JAM3: variants seen among roughly 807,000 people sequenced by gnomAD.
JAM3 encodes the protein junctional adhesion molecule 3.
Under a neutral mutation model 39.4 loss-of-function variants are expected in JAM3, and 31 were observed. The observed-to-expected ratio is 0.79, with a 90% CI of 0.59 to 1.06. The LOEUF (loss-of-function observed/expected upper bound fraction) is 1.06, where lower values mean the gene tolerates loss of function less well. Ranked by LOEUF, JAM3 falls within the 50% of genes least tolerant of loss-of-function variation. JAM3 has a pLI of 0.00. For missense variants in JAM3, 455 were observed against 391.4 expected, an observed-to-expected ratio of 1.16 and a Z score of -1.37; for synonymous variants, 182 against 148.7, an observed-to-expected ratio of 1.22 and a Z score of -1.63.
intron 1 of JAM3, among the ~76,000 whole-genome samples, chr11:134,117,722 G>A (rs970548062): frequency 5.3e-5 from 8 of 152,142 alleles, no homozygotes; most frequent in Admixed American, 1.3e-4. Context: ...CGAATAACTG[G>A]TCCCTGTCTT....
chr11:134,140,287 G>T (rs1309256642), intron 2 of JAM3, among the ~76,000 whole-genome samples: 4 of 152,112 alleles, frequency 2.6e-5, no homozygotes, highest in African/African-American at 9.7e-5. Flanking sequence ...ACACCCAGCT[G>T]ATTTTTGTAC....
At chr11:134,089,658 A>G (rs1016441341) in intron 1 of JAM3, among the ~76,000 whole-genome samples, 3 of 152,172 alleles carry the variant, frequency 2.0e-5, no homozygotes, top group African/African-American at 7.2e-5. Context: ...TTATGGCTGC[A>G]TAGTATTCCA....
chr11:134,085,047 C>A (rs1941726644), intron 1 of JAM3, among the ~76,000 whole-genome samples: 1 of 152,136 alleles, frequency 6.6e-6, no homozygotes, highest in Admixed American at 6.5e-5. Context: ...GAATACTCTG[C>A]CATCTTATTT....
At chr11:134,134,112 G>A (rs1376378417) in intron 1 of JAM3, among the ~76,000 whole-genome samples, 1 of 152,014 alleles carries the variant, frequency 6.6e-6, no homozygotes, top group Admixed American at 6.6e-5. Flanking sequence ...AAAACTAGCA[G>A]AAACGAAAAA....
At chr11:134,088,970 A>C (rs1425737063) in intron 1 of JAM3, among the ~76,000 whole-genome samples, 1 of 152,210 alleles carries the variant, frequency 6.6e-6, no homozygotes, top group East Asian at 1.9e-4. Flanking sequence ...TATTAAGGGC[A>C]GTCGGAATGG....
chr11:134,119,410 C>T (rs1316336043), intron 1 of JAM3, among the ~76,000 whole-genome samples: 1 of 152,232 alleles, frequency 6.6e-6, no homozygotes, highest in Non-Finnish European at 1.5e-5. Flanking sequence ...AATGTCTATA[C>T]AGTGAAATGA....
chr11:134,074,501 A>G (rs191693584), intron 1 of JAM3, among the ~76,000 whole-genome samples: 26 of 152,292 alleles, frequency 1.7e-4, no homozygotes, highest in African/African-American at 6.3e-4. Flanking sequence ...CTGGAAGTTC[A>G]GTTGCTTGAT....
At chr11:134,106,152 T>C (rs12288136) in intron 1 of JAM3, among the ~76,000 whole-genome samples, 24,760 of 152,024 alleles carry the variant, frequency 0.16, 2,310 homozygotes, top group African/African-American at 0.26. Context: ...AAAACAGATA[T>C]AGATCAATGG....
chr11:134,102,707 C>T (rs981232565), intron 1 of JAM3, among the ~76,000 whole-genome samples: 3 of 152,244 alleles, frequency 2.0e-5, no homozygotes, highest in African/African-American at 4.8e-5. Flanking sequence ...ATGAGAACTA[C>T]GTGACGAATG....
At position 134,149,834 on chromosome 11, in the gene JAM3, C is replaced by T. The variant is rs1300758742; in HGVS notation, c.*653C>T. 5.8e-6 allele frequency: 2 copies of T among 342,116 alleles called. No individual in the cohort carries two copies. The highest frequency in any genetic ancestry group is 1.2e-5 in the Non-Finnish European group (2 of 172,380). The allele number at this position is 342,116 out of a possible 1,614,324, so 21.2% of individuals were successfully genotyped here. A position where few individuals can be genotyped will look rare whatever the true frequency, so the allele number is the denominator to read the frequency against. On this transcript the variant is annotated 3_prime_UTR_variant, in exon 9 of 9. Transcript: ENST00000299106. ...GAACCCTGCTTGTCCAACAGGGTGTCAGGATTTAAGGAAAACCTTCGTCTT... is the reference window on the plus strand; with the variant it reads ...GAACCCTGCTTGTCCAACAGGGTGTTAGGATTTAAGGAAAACCTTCGTCTT...
chr11:134,128,615 C>G (rs1942700650), intron 1 of JAM3, among the ~76,000 whole-genome samples: 1 of 152,106 alleles, frequency 6.6e-6, no homozygotes. Context: ...CAGTTCCCCC[C>G]TTATTCGCTC....
chr11:134,150,105 C>T lies in JAM3; in HGVS notation c.*924C>T, dbSNP rs1009645637. The T allele has an allele frequency of 1.3e-5, 2 of 154,680 alleles. No homozygotes were observed. Among genetic ancestry groups the T allele is most frequent in the Non-Finnish European group, 2.9e-5 (2 of 69,888 alleles). The allele number at this position is 154,680 out of a possible 1,614,324, so 9.6% of individuals were successfully genotyped here. ...ATATCAATAATTAAGAGTATTTTAC[C>T]CAAGGAATCCTCTCATGGAAGTTTA... is the stretch of plus-strand genomic sequence containing the variant. On this transcript the variant is annotated 3_prime_UTR_variant, in exon 9 of 9. Transcript: ENST00000299106.
At chr11:134,102,144 A>T (rs941764887) in intron 1 of JAM3, among the ~76,000 whole-genome samples, 2 of 152,216 alleles carry the variant, frequency 1.3e-5, no homozygotes, top group African/African-American at 4.8e-5. Context: ...ACTGAGGCAC[A>T]GTAACATACC....
chr11:134,105,166 G>A (rs1206353103), intron 1 of JAM3, among the ~76,000 whole-genome samples: 2 of 152,020 alleles, frequency 1.3e-5, no homozygotes, highest in South Asian at 2.1e-4. Context: ...TAATCAAGTG[G>A]GCTTCATCCC....
At chr11:134,135,771 A>G (rs1323283884) in intron 1 of JAM3, among the ~76,000 whole-genome samples, 1 of 152,098 alleles carries the variant, frequency 6.6e-6, no homozygotes, top group African/African-American at 2.4e-5. Context: ...TAAGAGATAA[A>G]TAAAAGCTGT....
intron 1 of JAM3, among the ~76,000 whole-genome samples, chr11:134,120,462 G>C (rs1266046792): frequency 2.0e-5 from 3 of 152,176 alleles, no homozygotes; most frequent in African/African-American, 7.2e-5. Context: ...TTCCTTCTTG[G>C]CTTACTGTAA....
chr11:134,091,838 T>G (rs796481860), intron 1 of JAM3, among the ~76,000 whole-genome samples: 4 of 54,958 alleles, frequency 7.3e-5, no homozygotes, highest in African/African-American at 4.1e-4. Flanking sequence ...GGGTGTGGGT[T>G]TTTTTTTTTT....
In JAM3 at chr11:134,150,809, A is replaced by C. The variant is rs1465429530; in HGVS notation, c.*1628A>C. On this transcript the variant is annotated 3_prime_UTR_variant, in exon 9 of 9. Coordinates refer to ENST00000299106, the MANE Select transcript of JAM3 (RefSeq NM_032801.5). ...GACGCCACAGGCTCTGTCGCATTTC[A>C]AAACAAACCATGATGGAGTGGCGGC... 1 of 152,210 alleles carries C rather than the reference A, an allele frequency of 6.6e-6. No homozygotes were observed. Among genetic ancestry groups the C allele is most frequent in the Non-Finnish European group, 1.5e-5 (1 of 68,034 alleles). The allele number at this position is 152,210 out of a possible 1,614,324, so 9.4% of individuals were successfully genotyped here.
chr11:134,130,422 T>C (rs1461699066), intron 1 of JAM3, among the ~76,000 whole-genome samples: 1 of 151,966 alleles, frequency 6.6e-6, no homozygotes, highest in Non-Finnish European at 1.5e-5. Flanking sequence ...GGGAATCAGA[T>C]ACAAAGATGA....
Sources: gnomAD v4.1 joint callset for allele counts (sites outside exome capture counted in the v4.1 genomes callset) on GRCh38, gnomAD v4.1.1 for gene constraint, MANE v1.5 for transcripts, NCBI Gene and HGNC (gene_info 2026-07-23, HGNC 2026-07-21) for gene names.